FGF14: variants seen among roughly 807,000 people sequenced by gnomAD.
The protein encoded by FGF14 is fibroblast growth factor 14.
A neutral mutation model predicts 25.5 loss-of-function variants in FGF14; 5 were observed. The ratio of observed to expected loss-of-function variants is 0.20; its 90% confidence interval spans 0.10 to 0.41. FGF14 has a LOEUF of 0.41. FGF14 is among the 10% of genes least tolerant of loss of function. FGF14 has a pLI of 1.00. For missense variants in FGF14, 222 were observed against 320.1 expected, an observed-to-expected ratio of 0.69 and a Z score of 2.34; for synonymous variants, 138 against 118.3, an observed-to-expected ratio of 1.17 and a Z score of -1.08.
rs557326685 is a variant in FGF14 at position 102,211,858 on chromosome 13, A to G, written c.208+189613T>C. On this transcript the variant is annotated intron_variant, in intron 1 of 4. Transcript: ENST00000376131. ...GATCGCTTTTCATACATAGGACTTC[A>G]ATTCTGAGACTGCCTTTTGTTACTA... 2.6e-5 allele frequency among the ~76,000 whole-genome samples: 4 copies of G among 152,314 alleles called. No homozygotes were observed. The South Asian group carries it at 8.3e-4, about 32-fold the overall frequency.
intron 3 of FGF14, among the ~76,000 whole-genome samples, chr13:101,810,487 G>A (rs1277596743): frequency 1.3e-5 from 2 of 152,110 alleles, no homozygotes; most frequent in Non-Finnish European, 2.9e-5. Flanking sequence ...TGCTTAGTGG[G>A]CAATCTAATG....
intron 1 of FGF14, among the ~76,000 whole-genome samples, chr13:102,157,263 C>T (rs2047387598): frequency 6.6e-6 from 1 of 152,176 alleles, no homozygotes; most frequent in Non-Finnish European, 1.5e-5. Flanking sequence ...AACTATACTA[C>T]AACGCTACAG....
chr13:102,372,942 G>A (rs1435216675), intron 1 of FGF14, among the ~76,000 whole-genome samples: 1 of 152,098 alleles, frequency 6.6e-6, no homozygotes, highest in Non-Finnish European at 1.5e-5. Flanking sequence ...AACTAAGGCT[G>A]AAAATAATAA....
chr13:102,027,385 A>G (rs1286276849), intron 1 of FGF14, among the ~76,000 whole-genome samples: 1 of 151,742 alleles, frequency 6.6e-6, no homozygotes, highest in African/African-American at 2.4e-5. Flanking sequence ...TTCTTCTTTC[A>G]GTATAAATGG....
chr13:101,954,046 G>A (rs2036351858), intron 1 of FGF14, among the ~76,000 whole-genome samples: 1 of 152,174 alleles, frequency 6.6e-6, no homozygotes, highest in Non-Finnish European at 1.5e-5. Context: ...TTTCATTACA[G>A]CACTGTGGGC....
chr13:102,221,645 C>G (rs2050618590), intron 1 of FGF14, among the ~76,000 whole-genome samples: 1 of 149,590 alleles, frequency 6.7e-6, no homozygotes, highest in Non-Finnish European at 1.5e-5. Flanking sequence ...CACACACACA[C>G]AGATTTTAAG....
intron 1 of FGF14, among the ~76,000 whole-genome samples, chr13:102,085,108 C>T (rs1434936925): frequency 6.6e-6 from 1 of 152,216 alleles, no homozygotes. Flanking sequence ...GCATTTACCA[C>T]CTTTCCTCTG....
chr13:102,382,516 T>C (rs188150940), intron 1 of FGF14, among the ~76,000 whole-genome samples: 3 of 152,182 alleles, frequency 2.0e-5, no homozygotes, highest in Non-Finnish European at 4.4e-5. Context: ...CCCTCATACA[T>C]TGCTAGAGTG....
At chr13:101,841,942 T>C (rs1435955640) in intron 3 of FGF14, among the ~76,000 whole-genome samples, 2 of 152,016 alleles carry the variant, frequency 1.3e-5, no homozygotes, top group Admixed American at 6.6e-5. Context: ...AGTATAATCA[T>C]TTATGTGAAC....
intron 1 of FGF14, among the ~76,000 whole-genome samples, chr13:102,218,813 T>G (rs1354186249): frequency 6.6e-6 from 1 of 152,196 alleles, no homozygotes; most frequent in Non-Finnish European, 1.5e-5. Context: ...TATAAACCTG[T>G]ACACTCTTTT....
intron 3 of FGF14, among the ~76,000 whole-genome samples, chr13:101,854,078 T>C (rs1391877044): frequency 6.6e-6 from 1 of 152,076 alleles, no homozygotes; most frequent in African/African-American, 2.4e-5. Context: ...GATATGTTCC[T>C]AACGCAGGCA....
chr13:101,949,012 C>G (rs1334103378), intron 1 of FGF14, among the ~76,000 whole-genome samples: 1 of 152,088 alleles, frequency 6.6e-6, no homozygotes, highest in African/African-American at 2.4e-5. Context: ...TTTCCTATCT[C>G]TTTTCCAGTT....
intron 1 of FGF14, among the ~76,000 whole-genome samples, chr13:102,055,566 T>C (rs1362081254): frequency 6.6e-6 from 1 of 152,228 alleles, no homozygotes; most frequent in Non-Finnish European, 1.5e-5. Flanking sequence ...CCCTTAGAAC[T>C]GGGCAGTCAG....
intron 1 of FGF14, among the ~76,000 whole-genome samples, chr13:102,016,364 T>C (rs184616328): frequency 6.2e-4 from 94 of 152,248 alleles, no homozygotes; most frequent in Admixed American, 3.8e-3. Context: ...AATAAATATT[T>C]TAAATTTTAA....
chr13:101,924,980 T>C (rs1423241612), intron 1 of FGF14, among the ~76,000 whole-genome samples: 1 of 151,986 alleles, frequency 6.6e-6, no homozygotes, highest in African/African-American at 2.4e-5. Flanking sequence ...GAAAAAAAGG[T>C]GTGCATGTGC....
chr13:102,015,997 A>C (rs2040321401), intron 1 of FGF14, among the ~76,000 whole-genome samples: 1 of 152,176 alleles, frequency 6.6e-6, no homozygotes, highest in Admixed American at 6.5e-5. Context: ...CACTATTATC[A>C]GTCTCTTAGG....
At chr13:102,262,019 T>C (rs1015815512) in intron 1 of FGF14, among the ~76,000 whole-genome samples, 1 of 152,182 alleles carries the variant, frequency 6.6e-6, no homozygotes, top group Non-Finnish European at 1.5e-5. Context: ...GCCTTGTGGA[T>C]TCACTCAGTA....
intron 1 of FGF14, among the ~76,000 whole-genome samples, chr13:102,161,545 T>A (rs2047625790): frequency 6.8e-6 from 1 of 147,282 alleles, no homozygotes; most frequent in Non-Finnish European, 1.5e-5. Context: ...ATCAATATTC[T>A]CTATGCAACC....
intron 1 of FGF14, among the ~76,000 whole-genome samples, chr13:102,363,921 T>C (rs528138401): frequency 6.6e-6 from 1 of 152,354 alleles, no homozygotes; most frequent in Admixed American, 6.5e-5. Flanking sequence ...AATGGATCTT[T>C]TCCTGAAGAA....
Sources: allele counts gnomAD v4.1 joint callset (sites outside exome capture counted in the v4.1 genomes callset), GRCh38; gene constraint gnomAD v4.1.1; transcripts MANE v1.5; gene names NCBI Gene and HGNC (gene_info 2026-07-23, HGNC 2026-07-21).